Variants in MTMR8 observed in about 807,000 individuals in gnomAD.
The protein encoded by MTMR8 is phosphatidylinositol-3,5-bisphosphate 3-phosphatase MTMR8.
A neutral mutation model predicts 39.3 loss-of-function variants in MTMR8; 65 were observed. The observed-to-expected ratio is 1.65, with a 90% CI of 1.35 to 2.03. The LOEUF is 2.03. Ranked by LOEUF, MTMR8 falls within the 30% of genes most tolerant of loss-of-function variation. The pLI, the probability that MTMR8 is intolerant of heterozygous loss-of-function variation, is 0.00. For missense variants in MTMR8, 777 were observed against 538.9 expected (o/e 1.44, Z -4.37); for synonymous variants, 245 against 185.2 (o/e 1.32, Z -2.62).
Position 64,269,032 on chromosome X carries a change from G to T in MTMR8, c.1620C>A (p.Val540=). 2 of 1,207,954 alleles carry T rather than the reference G, an allele frequency of 1.7e-6. No homozygotes were observed. Among genetic ancestry groups the T allele is most frequent in the South Asian group, 3.6e-5 (2 of 56,091 alleles). The change falls in exon 14 of 14, where the codon GTC becomes GTA. Residue 540 remains valine, a synonymous_variant. Coordinates refer to ENST00000374852, the MANE Select transcript of MTMR8 (RefSeq NM_017677.4). The part of the protein sequence containing the change: ...DVHELEKKLK[V]RDEPPEEICT... ...AGATCTCTTCTGGTGGCTCATCACGGACTTTTAGTTTCTGCCTCAGGAGCA... is the reference window on the plus strand; with the variant it reads ...AGATCTCTTCTGGTGGCTCATCACGTACTTTTAGTTTCTGCCTCAGGAGCA...
intron 2 of MTMR8, among the ~76,000 whole-genome samples, chrX:64,357,860 C>T (rs924164130): frequency 4.5e-5 from 5 of 111,478 alleles, no homozygotes; most frequent in African/African-American, 1.3e-4. Flanking sequence ...TTTGGTAGTA[C>T]GATACTGATA....
chrX:64,314,295 T>G (rs1032521142), intron 12 of MTMR8, among the ~76,000 whole-genome samples: 3 of 112,735 alleles, frequency 2.7e-5, no homozygotes, highest in Non-Finnish European at 3.8e-5. Context: ...GCGGGGTGCA[T>G]GCTTGTTTGC....
intron 12 of MTMR8, among the ~76,000 whole-genome samples, chrX:64,282,132 T>A (rs1366841139): frequency 9.0e-6 from 1 of 111,103 alleles, no homozygotes; most frequent in Non-Finnish European, 1.9e-5. Flanking sequence ...GGAATGTAAA[T>A]CAGTTCAACC....
intron 13 of MTMR8, among the ~76,000 whole-genome samples, chrX:64,270,028 A>T: frequency 9.1e-6 from 1 of 110,467 alleles, no homozygotes; most frequent in Non-Finnish European, 1.9e-5. Flanking sequence ...CTTGTGGAAG[A>T]ATCTGCTAGT....
At chrX:64,288,886 G>T (rs1921300218) in intron 12 of MTMR8, among the ~76,000 whole-genome samples, 1 of 110,020 alleles carries the variant, frequency 9.1e-6, no homozygotes, top group African/African-American at 3.3e-5. Context: ...GGGCAGGTGG[G>T]AGGGATAGCA....
At chrX:64,384,597 A>T (rs904025722) in intron 1 of MTMR8, among the ~76,000 whole-genome samples, 1 of 112,355 alleles carries the variant, frequency 8.9e-6, no homozygotes, top group African/African-American at 3.2e-5. Flanking sequence ...GCTTAACACC[A>T]TGTGGAAGCC....
chrX:64,301,478 C>T (rs1370988798), intron 12 of MTMR8, among the ~76,000 whole-genome samples: 47 of 106,930 alleles, frequency 4.4e-4, no homozygotes, highest in African/African-American at 1.5e-3. Context: ...ATACATTCTT[C>T]TAAATTTTTT....
chrX:64,314,290 G>A (rs1466704291), intron 12 of MTMR8, among the ~76,000 whole-genome samples: 2 of 112,874 alleles, frequency 1.8e-5, no homozygotes, highest in Non-Finnish European at 3.8e-5. Context: ...GCACAGCGGG[G>A]TGCATGCTTG....
intron 12 of MTMR8, among the ~76,000 whole-genome samples, chrX:64,282,261 A>T (rs1019142849): frequency 9.0e-6 from 1 of 111,541 alleles, no homozygotes; most frequent in Non-Finnish European, 1.9e-5. Flanking sequence ...TTATAAAGAT[A>T]TAAGCACACA....
At chrX:64,362,471 G>GAAA (rs760545171) in intron 1 of MTMR8, among the ~76,000 whole-genome samples, 94 of 5,466 alleles carry the variant, frequency 0.017, 18 homozygotes, top group Non-Finnish European at 0.027. Flanking sequence ...TACTATTGCA[G>GAAA]AAAAAAAAAA....
intron 12 of MTMR8, among the ~76,000 whole-genome samples, chrX:64,323,375 T>C (rs1922706006): frequency 9.0e-6 from 1 of 111,549 alleles, no homozygotes; most frequent in African/African-American, 3.3e-5. Context: ...ATACGAAAAA[T>C]TTTAATATGT....
At chrX:64,318,445 G>A (rs991731678) in intron 12 of MTMR8, among the ~76,000 whole-genome samples, 3 of 111,133 alleles carry the variant, frequency 2.7e-5, no homozygotes, top group Non-Finnish European at 5.7e-5. Flanking sequence ...CTGTTCCCGT[G>A]TTATGTATGG....
At chrX:64,275,525 C>G (rs1274675202) in intron 12 of MTMR8, among the ~76,000 whole-genome samples, 2 of 107,824 alleles carry the variant, frequency 1.9e-5, no homozygotes, top group Middle Eastern at 4.8e-3. Flanking sequence ...GAGAGGCCCC[C>G]ATCGCTAAAA....
intron 12 of MTMR8, among the ~76,000 whole-genome samples, chrX:64,317,201 G>A (rs1181051919): frequency 9.1e-6 from 1 of 109,637 alleles, no homozygotes; most frequent in Non-Finnish European, 1.9e-5. Context: ...TATCCTGTTT[G>A]ATGTTCACTC....
At chrX:64,377,930 G>A (rs1473749804) in intron 1 of MTMR8, among the ~76,000 whole-genome samples, 4 of 111,581 alleles carry the variant, frequency 3.6e-5, no homozygotes, top group African/African-American at 1.3e-4. Flanking sequence ...TCATGACAGT[G>A]AATTATCACG....
chrX:64,313,873 A>C (rs1265256041), intron 12 of MTMR8, among the ~76,000 whole-genome samples: 2 of 112,701 alleles, frequency 1.8e-5, no homozygotes, highest in Non-Finnish European at 3.7e-5. Flanking sequence ...CTGGCTTTTC[A>C]AGCTGTCATA....
rs746078951 is a variant in MTMR8, at chrX:64,268,628, G to A, written c.2024C>T (p.Ala675Val). ...GCCCATGTCCCCAGAGAAACCCCTG[G>A]CCTCAGAAATACCCAAGTTTCCAGA... ...GISGNLGISEARGFSGDMGIL... is the reference protein window; with the variant it reads ...GISGNLGISEVRGFSGDMGIL... Residue 675 changes from alanine to valine, a missense_variant, in exon 14 of 14, where the codon GCC becomes GTC. Transcript: ENST00000374852. The A allele has an allele frequency of 2.5e-6, 3 of 1,211,386 alleles. No individual in the cohort carries two copies. The highest frequency in any genetic ancestry group is 3.5e-5 in the South Asian group (2 of 56,935).
At chrX:64,305,678 G>A (rs757352116) in intron 12 of MTMR8, 3 of 530,922 alleles carry the variant, frequency 5.7e-6, no homozygotes, top group East Asian at 7.0e-5. Context: ...TTTGTTCATT[G>A]CCAGCACCAG....
chrX:64,354,875 C>T lies in MTMR8; in HGVS notation c.370G>A (p.Glu124Lys), dbSNP rs1923583514. The T allele has an allele frequency of 1.7e-6, 2 of 1,203,998 alleles. No homozygotes were observed. Among genetic ancestry groups the T allele is most frequent in the Non-Finnish European group, 2.2e-6 (2 of 891,454 alleles). The change falls in exon 4 of 14, where the codon GAA (glutamate) becomes AAA (lysine). Residue 124 changes from glutamate to lysine, a missense_variant. Physicochemically the swap from Glu to Lys is moderately conservative, Grantham distance 56. Transcript: ENST00000374852. Reference protein sequence around the residue: ...YNPKSSKEMRESGWKLIDPIS... With the variant: ...YNPKSSKEMRKSGWKLIDPIS... ...GGGTCAATCAGTTTCCATCCACTTTCCCTCATCTCTTTTGAGGATTTGGGA... is the reference window on the plus strand; with the variant it reads ...GGGTCAATCAGTTTCCATCCACTTTTCCTCATCTCTTTTGAGGATTTGGGA...
Sources: gnomAD v4.1 joint callset for allele counts (sites outside exome capture counted in the v4.1 genomes callset) on GRCh38, gnomAD v4.1.1 for gene constraint, MANE v1.5 for transcripts, NCBI Gene and HGNC (gene_info 2026-07-23, HGNC 2026-07-21) for gene names.